Variants in CDH13 observed in about 807,000 individuals in gnomAD.
The protein encoded by CDH13 is cadherin-13.
A neutral mutation model predicts 63.8 loss-of-function variants in CDH13; 24 were observed. That is an observed-to-expected ratio of 0.38 (90% CI 0.27 to 0.53). The LOEUF is 0.53. CDH13 is among the 20% of genes least tolerant of loss of function. The pLI is 0.85. For synonymous variants in CDH13, 503 were observed against 355.3 expected (o/e 1.42, Z -4.67); for missense variants, 1,049 against 903.1 (o/e 1.16, Z -2.07).
chr16:82,894,376 T>C lies in CDH13; in HGVS notation c.157+35903T>C, dbSNP rs1334120108. On this transcript the variant is annotated intron_variant, in intron 2 of 13. Coordinates refer to ENST00000567109, the MANE Select transcript of CDH13 (RefSeq NM_001257.5). The stretch of plus-strand genomic sequence containing the variant: ...ACAATAATAGGGCAGGCGTGGTGGC[T>C]CAAGCCTGTAATCCCAGCACTTTGA... 2.0e-5 allele frequency among the ~76,000 whole-genome samples: 3 copies of C among 152,188 alleles called. No individual in the cohort carries two copies. In the East Asian group the frequency reaches 5.8e-4, roughly 29 times the overall value.
At chr16:83,468,488 C>T (rs901631429) in intron 6 of CDH13, among the ~76,000 whole-genome samples, 7 of 152,190 alleles carry the variant, frequency 4.6e-5, no homozygotes, top group Non-Finnish European at 4.4e-5. Context: ...TCCTAAGCCA[C>T]CCAGTTCGTG....
intron 3 of CDH13, among the ~76,000 whole-genome samples, chr16:83,066,850 C>T (rs1027697094): frequency 6.6e-6 from 1 of 152,174 alleles, no homozygotes; most frequent in African/African-American, 2.4e-5. Flanking sequence ...AATCAGAAGG[C>T]TGCTTAGTGA....
At chr16:83,398,955 C>T (rs577633629) in intron 6 of CDH13, among the ~76,000 whole-genome samples, 3 of 152,316 alleles carry the variant, frequency 2.0e-5, no homozygotes, top group African/African-American at 7.2e-5. Context: ...TCTTTATGTT[C>T]AGTCCATAAT....
At chr16:82,869,653 A>G (rs1202916264) in intron 2 of CDH13, among the ~76,000 whole-genome samples, 1 of 152,204 alleles carries the variant, frequency 6.6e-6, no homozygotes, top group Non-Finnish European at 1.5e-5. Context: ...CCAATGGGAC[A>G]GAATAGCTAA....
intron 4 of CDH13, among the ~76,000 whole-genome samples, chr16:83,151,498 C>G (rs1022083196): frequency 6.6e-6 from 1 of 152,156 alleles, no homozygotes; most frequent in African/African-American, 2.4e-5. Context: ...GTTATTCTAA[C>G]CCAGTTAATA....
chr16:83,265,076 A>G (rs1168963576), intron 5 of CDH13, among the ~76,000 whole-genome samples: 1 of 152,186 alleles, frequency 6.6e-6, no homozygotes, highest in Non-Finnish European at 1.5e-5. Flanking sequence ...CAAACATTCC[A>G]ACAGAGCTGT....
At chr16:82,710,552 A>AAAAAAATATATATATATATAT (rs60196638) in intron 1 of CDH13, among the ~76,000 whole-genome samples, 1 of 63,774 alleles carries the variant, frequency 1.6e-5, no homozygotes, top group Non-Finnish European at 3.0e-5. Context: ...AAAAAAAAAA[A>AAAAAAATATATATATATATAT]ATATATATAT....
At chr16:83,116,634 G>A (rs558544469) in intron 3 of CDH13, among the ~76,000 whole-genome samples, 1 of 152,350 alleles carries the variant, frequency 6.6e-6, no homozygotes, top group East Asian at 1.9e-4. Flanking sequence ...AAGTGGGAAT[G>A]ACTGCTAATG....
intron 10 of CDH13, among the ~76,000 whole-genome samples, chr16:83,706,667 A>G (rs953406631): frequency 6.6e-6 from 1 of 152,212 alleles, no homozygotes; most frequent in Non-Finnish European, 1.5e-5. Flanking sequence ...AACCTTATGA[A>G]GAGAAGAAAA....
At chr16:82,847,924 C>T (rs536029381) in intron 1 of CDH13, among the ~76,000 whole-genome samples, 66 of 136,932 alleles carry the variant, frequency 4.8e-4, no homozygotes, top group African/African-American at 1.7e-3. Context: ...TTCACAGATA[C>T]TGTATGTTTT....
chr16:83,730,674 T>G (rs1385420570), intron 10 of CDH13, among the ~76,000 whole-genome samples: 36 of 152,246 alleles, frequency 2.4e-4, no homozygotes, highest in Admixed American at 2.4e-3. Context: ...GTGGTTTTTT[T>G]GAGCTTTTAG....
intron 7 of CDH13, among the ~76,000 whole-genome samples, chr16:83,531,178 G>C (rs1423743263): frequency 6.6e-6 from 1 of 152,174 alleles, no homozygotes; most frequent in African/African-American, 2.4e-5. Flanking sequence ...AACGTACATG[G>C]CTTGACTCAG....
chr16:83,436,937 A>G (rs2072322486), intron 6 of CDH13, among the ~76,000 whole-genome samples: 1 of 152,092 alleles, frequency 6.6e-6, no homozygotes, highest in Admixed American at 6.6e-5. Context: ...ATCAGAAATC[A>G]CCACCATTTT....
Position 83,692,510 on chromosome 16 carries a change from C to G in CDH13, c.1538+14049C>G, listed in dbSNP as rs568036708. ...TTACAGACTCCGTCTGTCCCGGTTT[C>G]TTTCCATTTAACTCTTTCATGCCCA... On this transcript the variant is annotated intron_variant, in intron 10 of 13. Transcript: ENST00000567109. 4.6e-5 allele frequency among the ~76,000 whole-genome samples: 7 copies of G among 152,344 alleles called. No homozygotes were observed. In the South Asian group the frequency reaches 1.4e-3, roughly 32 times the overall value.
chr16:83,751,420 C>G (rs1018552520), intron 11 of CDH13, among the ~76,000 whole-genome samples: 1 of 146,636 alleles, frequency 6.8e-6, no homozygotes, highest in Non-Finnish European at 1.5e-5. Context: ...CATGGCAAAA[C>G]CCCATCTCTA....
At chr16:83,187,937 G>T (rs2038576936) in intron 4 of CDH13, among the ~76,000 whole-genome samples, 1 of 152,158 alleles carries the variant, frequency 6.6e-6, no homozygotes, top group African/African-American at 2.4e-5. Context: ...CTATCTGGGG[G>T]CTGAGCATCC....
At chr16:83,770,503 A>C (rs72802854) in intron 11 of CDH13, among the ~76,000 whole-genome samples, 4,949 of 152,300 alleles carry the variant, frequency 0.032, 122 homozygotes, top group East Asian at 0.088. Flanking sequence ...CGCAAGAAAG[A>C]ATTCAGTGCG....
At chr16:82,946,445 T>G (rs907139345) in intron 2 of CDH13, among the ~76,000 whole-genome samples, 7 of 152,104 alleles carry the variant, frequency 4.6e-5, no homozygotes, top group Admixed American at 2.6e-4. Context: ...TTAGGCCAGG[T>G]GTGGTGGCTG....
chr16:83,795,305 A>G lies in CDH13; in HGVS notation c.*275A>G, dbSNP rs182032385. The G allele has an allele frequency of 4.4e-6, 2 of 453,880 alleles. No homozygotes were observed. The highest frequency in any genetic ancestry group is 4.0e-5 in the African/African-American group (2 of 50,610). 28.1% of individuals were successfully genotyped at this position (453,880 alleles called of 1,614,324 possible). A position where few individuals can be genotyped will look rare whatever the true frequency, so the allele number is the denominator to read the frequency against. Reference sequence around the variant, plus strand: ...ACTTGATCTTCTGGGAGCAGGAACAATGACTACTTTTTCTGGTGTGTTAAC... The same window carrying G: ...ACTTGATCTTCTGGGAGCAGGAACAGTGACTACTTTTTCTGGTGTGTTAAC... On this transcript the variant is annotated 3_prime_UTR_variant, in exon 14 of 14. Transcript: ENST00000567109.
Sources: gnomAD v4.1 joint callset for allele counts (sites outside exome capture counted in the v4.1 genomes callset) on GRCh38, gnomAD v4.1.1 for gene constraint, MANE v1.5 for transcripts, NCBI Gene and HGNC (gene_info 2026-07-23, HGNC 2026-07-21) for gene names.